The following XRN1 variants were observed in gnomAD, a reference collection of about 807,000 sequenced individuals.
XRN1 encodes the protein strand-exchange protein 1 homolog.
Under a neutral mutation model 222.3 loss-of-function variants are expected in XRN1, and 67 were observed. The ratio of observed to expected loss-of-function variants is 0.30; its 90% CI spans 0.25 to 0.37. XRN1 has a LOEUF of 0.37. Ranked by LOEUF, XRN1 falls within the 10% of genes least tolerant of loss-of-function variation. The pLI, the probability that XRN1 is intolerant of heterozygous loss-of-function variation, is 1.00. For synonymous variants in XRN1, 643 were observed against 652.4 expected (o/e 0.99, Z 0.22); for missense variants, 1,707 against 2,000.2 (o/e 0.85, Z 2.80).
intron 31 of XRN1, 145 bp from the exon 32 acceptor site, chr3:142,355,641 T>C: frequency 2.0e-6 from 1 of 504,110 alleles, no homozygotes; most frequent in East Asian, 3.4e-5. Flanking sequence ...GTCTTACTCA[T>C]GTGGGGTCTT....
At chr3:142,382,353 T>C (rs2067333562) in intron 22 of XRN1, among the ~76,000 whole-genome samples, 1 of 152,214 alleles carries the variant, frequency 6.6e-6, no homozygotes, top group South Asian at 2.1e-4. Context: ...TACATGCTAC[T>C]ACAGACAAGA....
chr3:142,425,688 T>C, intron 3 of XRN1, 150 bp from the exon 4 acceptor site: 1 of 634,232 alleles, frequency 1.6e-6, no homozygotes, highest in Non-Finnish European at 2.7e-6. Flanking sequence ...TTGCTTATCC[T>C]GAAAAACAAG....
chr3:142,393,543 T>C (rs1032835811), intron 20 of XRN1, among the ~76,000 whole-genome samples: 138 of 151,446 alleles, frequency 9.1e-4, no homozygotes, highest in Non-Finnish European at 1.6e-3. Context: ...TTTCTACATA[T>C]GGCTAGCCAG....
rs1181319908 is a variant in XRN1 at position 142,403,731 on chromosome 3, G to C, written c.2046C>G (p.Ser682Arg). ...CCAACATCATGTTTTCTCCACGACT[G>C]CTTTGCTGGAATACTTGAACACCAC... The part of the protein sequence containing the change: ...KKSGVQVFQQ[S>R]SRGENMMLEI... The change falls in exon 18 of 41, where the codon AGC becomes AGG. Residue 682 changes from serine to arginine, a missense_variant. By Grantham distance (110) the Ser-to-Arg change is moderately radical. Around this residue, in one of 2 missense-constraint regions of XRN1, gnomAD observed 1,234 missense variants for 1,518.2 expected, o/e 0.81. Coordinates refer to ENST00000392981, the MANE Select transcript of XRN1 (RefSeq NM_001282857.2). 1 of 1,613,158 alleles carries C rather than the reference G, an allele frequency of 6.2e-7. No individual in the cohort carries two copies. Among genetic ancestry groups the C allele is most frequent in the Admixed American group, 1.7e-5 (1 of 59,992 alleles).
At chr3:142,378,253 A>G (rs142540008) in intron 23 of XRN1, among the ~76,000 whole-genome samples, 1 of 152,348 alleles carries the variant, frequency 6.6e-6, no homozygotes, top group African/African-American at 2.4e-5. Context: ...TGTTAACTTA[A>G]ATGCAATTTT....
At chr3:142,423,521 G>T in intron 6 of XRN1, 39 bp downstream of exon 6, 1 of 1,487,680 alleles carries the variant, frequency 6.7e-7, no homozygotes. Flanking sequence ...CTATCCAGGC[G>T]TAATTTCTTT....
intron 1 of XRN1, among the ~76,000 whole-genome samples, chr3:142,436,843 A>G (rs561128112): frequency 3.2e-4 from 48 of 152,322 alleles, no homozygotes; most frequent in Non-Finnish European, 6.0e-4. Context: ...AAAGTTAGAA[A>G]GTATATAAAA....
Position 142,310,762 on chromosome 3 carries a change from A to T in XRN1, c.*749T>A, listed in dbSNP as rs2065057334. 6.6e-6 allele frequency: 1 copy of T among 152,644 alleles called. No homozygotes were observed. The highest frequency in any genetic ancestry group is 1.5e-5 in the Non-Finnish European group (1 of 68,024). The allele number at this position is 152,644 out of a possible 1,614,324, so 9.5% of individuals were successfully genotyped here. A position where few individuals can be genotyped will look rare whatever the true frequency, so the allele number is the denominator to read the frequency against. ...ATCATTGTACCCTGTAGATTTTGAAACAATTTTACTAGAAATTACTAATGC... is the reference window on the plus strand; with the variant it reads ...ATCATTGTACCCTGTAGATTTTGAATCAATTTTACTAGAAATTACTAATGC... On this transcript the variant is annotated 3_prime_UTR_variant, in exon 41 of 41. Coordinates refer to ENST00000392981, the MANE Select transcript of XRN1 (RefSeq NM_001282857.2).
rs1577350014 is a variant in XRN1 at position 142,391,678 on chromosome 3, A to G, written c.2339+5651T>C. 4.6e-5 allele frequency among the ~76,000 whole-genome samples: 7 copies of G among 150,892 alleles called. 1 individual carries two copies. Among genetic ancestry groups the G allele is most frequent in the Admixed American group, 4.6e-4 (7 of 15,146 alleles). ...CAGGAGCTCCAGGTTGTGGTGAGGTATAATATGAATGTGCCACTGCACTCC... is the reference window on the plus strand; with the variant it reads ...CAGGAGCTCCAGGTTGTGGTGAGGTGTAATATGAATGTGCCACTGCACTCC... On this transcript the variant is annotated intron_variant, in intron 20 of 40. Coordinates refer to ENST00000392981, the MANE Select transcript of XRN1 (RefSeq NM_001282857.2).
chr3:142,433,900 A>G (rs1003188754), intron 1 of XRN1, among the ~76,000 whole-genome samples: 2 of 152,194 alleles, frequency 1.3e-5, no homozygotes, highest in African/African-American at 2.4e-5. Flanking sequence ...TTGGGAGTGA[A>G]AAGTTTTGGT....
At chr3:142,331,939 T>A (rs1348692861) in intron 36 of XRN1, among the ~76,000 whole-genome samples, 1 of 152,080 alleles carries the variant, frequency 6.6e-6, no homozygotes, top group Non-Finnish European at 1.5e-5. Context: ...CACACCTAGC[T>A]AACTTTTGTA....
At chr3:142,431,965 AT>A (rs2069610166) in intron 2 of XRN1, among the ~76,000 whole-genome samples, 1 of 78,432 alleles carries the variant, frequency 1.3e-5, no homozygotes, top group Non-Finnish European at 2.4e-5. Flanking sequence ...TATATATAAT[AT>A]AATATATTGT....
intron 1 of XRN1, among the ~76,000 whole-genome samples, chr3:142,437,743 A>C (rs184417678): frequency 6.6e-5 from 10 of 152,358 alleles, no homozygotes; most frequent in African/African-American, 2.4e-4. Flanking sequence ...AACAATCAGC[A>C]AAGTGAAGAG....
chr3:142,333,089 G>A lies in XRN1; in HGVS notation c.3940C>T (p.Pro1314Ser), dbSNP rs2065748923. 3.7e-6 allele frequency: 6 copies of A among 1,609,810 alleles called. No homozygotes were observed. Among genetic ancestry groups the A allele is most frequent in the Middle Eastern group, 1.7e-4 (1 of 6,042 alleles). ...AAAAAGTTCTCAATTCCAGAGTTAG[G>A]CTAAAAGAATAAATATTTTGGGCAT... Reference protein sequence around the residue: ...CWSQKMSNKQPNSGIENFLAS... With the variant: ...CWSQKMSNKQSNSGIENFLAS... The change falls in exon 35 of 41, where the codon CCT (proline) becomes TCT (serine). Residue 1314 changes from proline (P) to serine (S), a missense_variant and splice_region_variant. Pro to Ser is a moderately conservative substitution (Grantham distance 74, BLOSUM62 -1). Coordinates refer to ENST00000392981, the MANE Select transcript of XRN1 (RefSeq NM_001282857.2).
At chr3:142,315,846 A>G (rs989260520) in intron 39 of XRN1, among the ~76,000 whole-genome samples, 2 of 152,122 alleles carry the variant, frequency 1.3e-5, no homozygotes, top group Non-Finnish European at 2.9e-5. Context: ...AACAGCAGAC[A>G]TCTGTTCTAC....
At chr3:142,404,361 A>C (rs2068262614) in intron 16 of XRN1, among the ~76,000 whole-genome samples, 2 of 152,226 alleles carry the variant, frequency 1.3e-5, no homozygotes, top group Admixed American at 6.5e-5. Context: ...TAACAAAAGG[A>C]AAAGTTGTAA....
intron 13 of XRN1, 62 bp from the exon 14 acceptor site, chr3:142,414,353 A>C (rs2068704080): frequency 8.0e-7 from 1 of 1,242,320 alleles, no homozygotes; most frequent in Non-Finnish European, 1.1e-6. Context: ...AATAATAAAC[A>C]TATACTTTTC....
intron 20 of XRN1, among the ~76,000 whole-genome samples, chr3:142,391,067 T>A (rs1288804190): frequency 6.6e-6 from 1 of 152,132 alleles, no homozygotes; most frequent in Non-Finnish European, 1.5e-5. Flanking sequence ...AAATCACTGA[T>A]CATAGATGAC....
chr3:142,375,965 C>G, intron 24 of XRN1, 21 bp from the exon 25 acceptor site: 2 of 1,583,924 alleles, frequency 1.3e-6, no homozygotes, highest in Non-Finnish European at 1.7e-6. Flanking sequence ...ACCACACATG[C>G]GCACACGTGC....
Sources: gnomAD v4.1 joint callset for allele counts (sites outside exome capture counted in the v4.1 genomes callset) on GRCh38, gnomAD v4.1.1 for gene constraint, gnomAD v4.1.1 regional missense constraint, MANE v1.5 for transcripts, NCBI Gene and HGNC (gene_info 2026-07-23, HGNC 2026-07-21) for gene names.